AKAP7: variants seen among roughly 807,000 people sequenced by gnomAD.
AKAP7 encodes the protein A kinase (PRKA) anchor protein 7.
Under a neutral mutation model 39.5 loss-of-function variants are expected in AKAP7, and 39 were observed. The observed-to-expected ratio is 0.99, with a 90% confidence interval of 0.76 to 1.29. The LOEUF is 1.29. AKAP7 is among the 50% of genes most tolerant of loss of function. AKAP7 has a pLI of 0.00. For synonymous variants in AKAP7, 140 were observed against 139.1 expected (o/e 1.01, Z -0.05); for missense variants, 414 against 407.7 (o/e 1.02, Z -0.13).
At chr6:131,178,257 T>C (rs1287099533) in intron 5 of AKAP7, among the ~76,000 whole-genome samples, 5 of 152,254 alleles carry the variant, frequency 3.3e-5, no homozygotes, top group Non-Finnish European at 7.3e-5. Flanking sequence ...TGAGTGGTTT[T>C]AAGCAATTTA....
chr6:131,262,279 C>T (rs1017053089), intron 7 of AKAP7, among the ~76,000 whole-genome samples: 1 of 152,132 alleles, frequency 6.6e-6, no homozygotes, highest in Non-Finnish European at 1.5e-5. Context: ...TCTGCCTCCC[C>T]CTCTTGGCAG....
chr6:131,229,172 T>G (rs1810436932), intron 7 of AKAP7, among the ~76,000 whole-genome samples: 1 of 152,230 alleles, frequency 6.6e-6, no homozygotes, highest in African/African-American at 2.4e-5. Flanking sequence ...GACAGGCATT[T>G]TCTTGCAAAT....
At chr6:131,224,489 C>T (rs965171348) in intron 7 of AKAP7, among the ~76,000 whole-genome samples, 8 of 152,038 alleles carry the variant, frequency 5.3e-5, no homozygotes, top group Non-Finnish European at 1.0e-4. Flanking sequence ...ACACTGAGAA[C>T]TTCCTGATAT....
intron 6 of AKAP7, among the ~76,000 whole-genome samples, chr6:131,213,922 C>T (rs1808912588): frequency 6.6e-6 from 1 of 152,050 alleles, no homozygotes; most frequent in Non-Finnish European, 1.5e-5. Context: ...TCTTGGGTGC[C>T]AGTGACCTGT....
intron 1 of AKAP7, among the ~76,000 whole-genome samples, chr6:131,138,008 T>C (rs761585895): frequency 1.3e-5 from 2 of 152,186 alleles, no homozygotes; most frequent in African/African-American, 2.4e-5. Context: ...ATAGTCATTG[T>C]TCGTAGTTGT....
At chr6:131,174,269 CTT>C (rs1804357243) in intron 5 of AKAP7, among the ~76,000 whole-genome samples, 1 of 152,084 alleles carries the variant, frequency 6.6e-6, no homozygotes, top group African/African-American at 2.4e-5. Flanking sequence ...ACATGGAAAA[CTT>C]TATTCACTTA....
At chr6:131,174,344 A>G (rs899813692) in intron 5 of AKAP7, among the ~76,000 whole-genome samples, 2 of 152,268 alleles carry the variant, frequency 1.3e-5, no homozygotes, top group African/African-American at 4.8e-5. Flanking sequence ...AAGTTTAGAT[A>G]TAGCCTCTAT....
intron 7 of AKAP7, among the ~76,000 whole-genome samples, chr6:131,271,755 A>G (rs1814302788): frequency 6.6e-6 from 1 of 152,170 alleles, no homozygotes; most frequent in African/African-American, 2.4e-5. Context: ...GAGTCAAATG[A>G]CAGGGTAACC....
Position 131,160,088 on chromosome 6 carries a change from A to G in AKAP7, c.181A>G (p.Arg61Gly). Reference protein sequence around the residue: ...ITDEPQINLKRSQENEWVKSD... With the variant: ...ITDEPQINLKGSQENEWVKSD... ...TGATGAACCTCAAATAAATTTGAAG[A>G]GAAGTCAAGAAAATGAATGGGTCAA... Residue 61 changes from arginine to glycine, a missense_variant, in exon 3 of 8, where the codon AGA becomes GGA. Physicochemically the swap from Arg to Gly is moderately radical, Grantham distance 125. Transcript: ENST00000431975. 1 of 1,595,114 alleles carries G rather than the reference A, an allele frequency of 6.3e-7. No homozygotes were observed.
chr6:131,282,483 T>C lies in AKAP7; in HGVS notation c.*757T>C. 6.5e-7 allele frequency: 1 copy of C among 1,535,844 alleles called. No individual in the cohort carries two copies. The highest frequency in any genetic ancestry group is 8.7e-7 in the Non-Finnish European group (1 of 1,146,752). ...GGTCTGAAGTCCAAAGTGAAACAGA[T>C]AAAGGAACTTTTATTAAAGCCTGAG... On this transcript the variant is annotated 3_prime_UTR_variant, in exon 8 of 8. Transcript: ENST00000431975.
Position 131,282,372 on chromosome 6 carries a change from T to C in AKAP7, c.*646T>C. The C allele has an allele frequency of 7.0e-7, 1 of 1,429,096 alleles. No individual in the cohort carries two copies. The highest frequency in any genetic ancestry group is 9.2e-7 in the Non-Finnish European group (1 of 1,091,492). 88.5% of individuals were successfully genotyped at this position (1,429,096 alleles called of 1,614,324 possible). Reference sequence around the variant, plus strand: ...AGTCAGTATGCCATATTTAATGAAATGTTATTATATAATTTTTTTTTCTTA... The same window carrying C: ...AGTCAGTATGCCATATTTAATGAAACGTTATTATATAATTTTTTTTTCTTA... On this transcript the variant is annotated 3_prime_UTR_variant, in exon 8 of 8. Transcript: ENST00000431975.
chr6:131,224,433 CT>C (rs1376304432), intron 7 of AKAP7, among the ~76,000 whole-genome samples: 1 of 152,086 alleles, frequency 6.6e-6, no homozygotes, highest in Admixed American at 6.5e-5. Flanking sequence ...GATTTCTGAT[CT>C]TAAGATATTA....
At chr6:131,204,960 A>ATACTGATGCACTGAAAG (rs1807946032) in intron 6 of AKAP7, among the ~76,000 whole-genome samples, 1 of 152,148 alleles carries the variant, frequency 6.6e-6, no homozygotes, top group Non-Finnish European at 1.5e-5. Flanking sequence ...TTTATGTATG[A>ATACTGATGCACTGAAAG]TACTGATGCA....
At chr6:131,136,968 A>G (rs763833971) in intron 1 of AKAP7, 6 of 689,972 alleles carry the variant, frequency 8.7e-6, no homozygotes, top group Non-Finnish European at 1.1e-5. Flanking sequence ...ATATATGTAT[A>G]TATGTATTTA....
At chr6:131,221,903 T>G (rs991536808) in intron 7 of AKAP7, among the ~76,000 whole-genome samples, 3 of 152,242 alleles carry the variant, frequency 2.0e-5, no homozygotes, top group Admixed American at 2.0e-4. Context: ...AGTGTTATTT[T>G]CATGCTTGCT....
At chr6:131,184,536 A>G in intron 5 of AKAP7, 1 of 713,506 alleles carries the variant, frequency 1.4e-6, no homozygotes, top group Non-Finnish European at 2.6e-6. Flanking sequence ...ATGCATTGCC[A>G]GCAGTATGTC....
intron 5 of AKAP7, among the ~76,000 whole-genome samples, chr6:131,174,168 T>C (rs561926982): frequency 1.3e-5 from 2 of 152,372 alleles, no homozygotes; most frequent in South Asian, 2.1e-4. Flanking sequence ...ATCACTGTTA[T>C]ACTTGCTTTT....
At chr6:131,145,787 C>G (rs1801434961) in intron 2 of AKAP7, among the ~76,000 whole-genome samples, 1 of 152,138 alleles carries the variant, frequency 6.6e-6, no homozygotes, top group Non-Finnish European at 1.5e-5. Context: ...CTCCTGGGCT[C>G]AAGCCATCCT....
At chr6:131,245,770 GTCT>G (rs1040820949) in intron 7 of AKAP7, among the ~76,000 whole-genome samples, 16 of 152,128 alleles carry the variant, frequency 1.1e-4, no homozygotes, top group African/African-American at 3.9e-4. Context: ...TTAAAGGTAT[GTCT>G]CGTCTCCTAA....
Sources: gnomAD v4.1 joint callset for allele counts (sites outside exome capture counted in the v4.1 genomes callset) on GRCh38, gnomAD v4.1.1 for gene constraint, MANE v1.5 for transcripts, NCBI Gene and HGNC (gene_info 2026-07-23, HGNC 2026-07-21) for gene names.